GPR137C: variants seen among roughly 807,000 people sequenced by gnomAD.
The protein encoded by GPR137C is integral membrane protein GPR137C.
GPR137C carries 27 observed loss-of-function variants against 43.4 expected under a neutral mutation model. The ratio of observed to expected loss-of-function variants is 0.62; its 90% confidence interval spans 0.46 to 0.86. The LOEUF (loss-of-function observed/expected upper bound fraction) is 0.86, where lower values mean the gene tolerates loss of function less well. Among genes scored for constraint, GPR137C ranks in the 40% least tolerant of loss-of-function variants. The probability of loss-of-function intolerance (pLI) is 0.00; values close to 1 mark genes in which losing one functional copy is unlikely to be tolerated. For missense variants in GPR137C, 522 were observed against 534.6 expected, an observed-to-expected ratio of 0.98 and a Z score of 0.23; for synonymous variants, 285 against 226.9, an observed-to-expected ratio of 1.26 and a Z score of -2.30.
At chr14:52,599,713 C>T (rs1335896978) in intron 2 of GPR137C, among the ~76,000 whole-genome samples, 1 of 152,190 alleles carries the variant, frequency 6.6e-6, no homozygotes, top group African/African-American at 2.4e-5. Context: ...AGATTACAGG[C>T]ATGAGCCGCC....
At chr14:52,591,776 G>A (rs184633650) in intron 1 of GPR137C, among the ~76,000 whole-genome samples, 10 of 152,190 alleles carry the variant, frequency 6.6e-5, no homozygotes, top group South Asian at 2.1e-4. Flanking sequence ...TATGTAGGTC[G>A]CCTGTTCACT....
chr14:52,558,257 C>T (rs1220021471), intron 1 of GPR137C, among the ~76,000 whole-genome samples: 2 of 151,806 alleles, frequency 1.3e-5, no homozygotes, highest in African/African-American at 4.8e-5. Context: ...GCAGGCTGTG[C>T]CTTGCAGTGA....
chr14:52,590,387 T>G (rs146525185), intron 1 of GPR137C, among the ~76,000 whole-genome samples: 1 of 152,202 alleles, frequency 6.6e-6, no homozygotes, highest in South Asian at 2.1e-4. Flanking sequence ...TAAAAAGTTA[T>G]AGTAAGCTGA....
intron 1 of GPR137C, among the ~76,000 whole-genome samples, chr14:52,593,864 T>C (rs924414546): frequency 2.0e-5 from 3 of 152,168 alleles, no homozygotes; most frequent in Non-Finnish European, 4.4e-5. Context: ...GTTTCTTGCC[T>C]TCTGCTAGCT....
intron 4 of GPR137C, among the ~76,000 whole-genome samples, chr14:52,632,846 C>T (rs1411301414): frequency 3.9e-5 from 6 of 152,030 alleles, no homozygotes; most frequent in Non-Finnish European, 8.8e-5. Flanking sequence ...ACTCTAACTA[C>T]GCATATTTAA....
intron 1 of GPR137C, among the ~76,000 whole-genome samples, chr14:52,571,999 G>C (rs1187983483): frequency 6.6e-6 from 1 of 152,136 alleles, no homozygotes; most frequent in Non-Finnish European, 1.5e-5. Context: ...ATATCCAGAA[G>C]AAATGGATAA....
At chr14:52,612,148 G>A in intron 3 of GPR137C, 1 of 983,230 alleles carries the variant, frequency 1.0e-6, no homozygotes. Context: ...TATTTTTTCT[G>A]ATTATTAAAA....
intron 3 of GPR137C, among the ~76,000 whole-genome samples, chr14:52,603,533 G>A (rs1001601546): frequency 4.0e-5 from 6 of 151,820 alleles, no homozygotes; most frequent in African/African-American, 1.2e-4. Flanking sequence ...CTGCTTTTTG[G>A]GGTTGTTTGT....
chr14:52,587,126 A>C (rs953413957), intron 1 of GPR137C, among the ~76,000 whole-genome samples: 3 of 152,136 alleles, frequency 2.0e-5, no homozygotes, highest in Non-Finnish European at 4.4e-5. Context: ...ACTTTCTTTG[A>C]CCTTAATTCA....
chr14:52,589,339 T>C (rs2038752548), intron 1 of GPR137C, among the ~76,000 whole-genome samples: 1 of 152,190 alleles, frequency 6.6e-6, no homozygotes, highest in Non-Finnish European at 1.5e-5. Flanking sequence ...GTGAATGTAC[T>C]TAATGCCACT....
At chr14:52,562,685 A>G (rs553359805) in intron 1 of GPR137C, among the ~76,000 whole-genome samples, 1 of 152,244 alleles carries the variant, frequency 6.6e-6, no homozygotes, top group African/African-American at 2.4e-5. Context: ...AGAAATTCCA[A>G]TGGCATTTAA....
intron 3 of GPR137C, among the ~76,000 whole-genome samples, chr14:52,616,277 T>C (rs1337995609): frequency 6.6e-6 from 1 of 151,262 alleles, no homozygotes; most frequent in Non-Finnish European, 1.5e-5. Context: ...ACACATATGT[T>C]CTCTTTTTTG....
chr14:52,585,993 C>T (rs1221774557), intron 1 of GPR137C, among the ~76,000 whole-genome samples: 3 of 152,114 alleles, frequency 2.0e-5, no homozygotes, highest in South Asian at 2.1e-4. Flanking sequence ...ATGTTACCTG[C>T]GCATGCAGTG....
chr14:52,586,270 G>C (rs2038712642), intron 1 of GPR137C, among the ~76,000 whole-genome samples: 1 of 152,172 alleles, frequency 6.6e-6, no homozygotes, highest in Admixed American at 6.5e-5. Context: ...AAAAACATGA[G>C]ACATTCATAG....
At chr14:52,570,899 A>G (rs2038456272) in intron 1 of GPR137C, among the ~76,000 whole-genome samples, 1 of 152,214 alleles carries the variant, frequency 6.6e-6, no homozygotes, top group South Asian at 2.1e-4. Flanking sequence ...GGGAGACTTT[A>G]ACACCCCACT....
At chr14:52,569,007 C>T (rs1426024157) in intron 1 of GPR137C, among the ~76,000 whole-genome samples, 1 of 152,184 alleles carries the variant, frequency 6.6e-6, no homozygotes, top group African/African-American at 2.4e-5. Context: ...TGGGAGATAC[C>T]TCCCAGCAAG....
intron 1 of GPR137C, among the ~76,000 whole-genome samples, chr14:52,554,002 C>A (rs564646110): frequency 9.2e-5 from 14 of 152,220 alleles, no homozygotes; most frequent in African/African-American, 3.4e-4. Flanking sequence ...AGCAGCTCTG[C>A]TGAAGCTGGA....
intron 1 of GPR137C, among the ~76,000 whole-genome samples, chr14:52,578,257 G>A (rs2038593349): frequency 1.3e-5 from 2 of 152,178 alleles, no homozygotes; most frequent in South Asian, 4.1e-4. Context: ...TTTTTAACTT[G>A]ATTTTCTCCG....
At chr14:52,566,868 T>C (rs930965357) in intron 1 of GPR137C, among the ~76,000 whole-genome samples, 4 of 152,078 alleles carry the variant, frequency 2.6e-5, no homozygotes, top group Non-Finnish European at 5.9e-5. Flanking sequence ...TCCCAGCACA[T>C]TGGGAGGCTG....
Sources: allele counts gnomAD v4.1 joint callset (sites outside exome capture counted in the v4.1 genomes callset), GRCh38; gene constraint gnomAD v4.1.1; transcripts MANE v1.5; gene names NCBI Gene and HGNC (gene_info 2026-07-23, HGNC 2026-07-21).